The following ANO4 variants were observed in gnomAD, a reference collection of about 807,000 sequenced individuals.
ANO4 encodes the protein anoctamin-4.
A neutral mutation model predicts 141.9 loss-of-function variants in ANO4; 69 were observed. The ratio of observed to expected loss-of-function variants is 0.49; its 90% CI spans 0.40 to 0.59. The LOEUF (loss-of-function observed/expected upper bound fraction) is 0.59, where lower values mean the gene tolerates loss of function less well. Ranked by LOEUF, ANO4 falls within the 20% of genes least tolerant of loss-of-function variation. The pLI, the probability that ANO4 is intolerant of heterozygous loss-of-function variation, is 0.00. For missense variants in ANO4, 894 were observed against 1,162.2 expected, an observed-to-expected ratio of 0.77 and a Z score of 3.36; for synonymous variants, 350 against 394.3, an observed-to-expected ratio of 0.89 and a Z score of 1.33.
intron 14 of ANO4, among the ~76,000 whole-genome samples, chr12:101,071,644 A>T (rs1044757391): frequency 3.3e-5 from 5 of 152,108 alleles, no homozygotes; most frequent in Admixed American, 3.3e-4. Flanking sequence ...CAACATGGGG[A>T]CTATAGTCAA....
chr12:101,051,079 T>C (rs1477184229), intron 14 of ANO4, among the ~76,000 whole-genome samples: 1 of 152,248 alleles, frequency 6.6e-6, no homozygotes, highest in East Asian at 1.9e-4. Flanking sequence ...AATTTTTGTA[T>C]GATGACATTT....
chr12:100,906,888 G>A (rs902942692), intron 2 of ANO4, among the ~76,000 whole-genome samples: 1 of 152,142 alleles, frequency 6.6e-6, no homozygotes, highest in Non-Finnish European at 1.5e-5. Flanking sequence ...ACAGTTCTAA[G>A]TGAAAGAGCC....
At chr12:101,064,665 TA>T (rs2048500065) in intron 14 of ANO4, among the ~76,000 whole-genome samples, 2 of 48,214 alleles carry the variant, frequency 4.1e-5, no homozygotes, top group African/African-American at 2.6e-4. Flanking sequence ...TAAAGTATTA[TA>T]ATAATAATAA....
intron 5 of ANO4, among the ~76,000 whole-genome samples, chr12:100,945,826 T>A (rs995598037): frequency 1.6e-4 from 24 of 152,294 alleles, no homozygotes; most frequent in Admixed American, 7.8e-4. Flanking sequence ...TTGATGATGG[T>A]TATTTCATTC....
At chr12:100,928,637 A>T (rs2041970308) in intron 3 of ANO4, among the ~76,000 whole-genome samples, 1 of 152,104 alleles carries the variant, frequency 6.6e-6, no homozygotes, top group Admixed American at 6.6e-5. Flanking sequence ...AGCATGAATG[A>T]CCTCACTTTA....
chr12:101,119,148 T>C (rs1291915457), intron 25 of ANO4, among the ~76,000 whole-genome samples: 1 of 151,908 alleles, frequency 6.6e-6, no homozygotes, highest in Non-Finnish European at 1.5e-5. Context: ...AAGCTTTCCA[T>C]GGTTAGGGAA....
chr12:100,719,548 G>C (rs1470141422), intron 1 of ANO4, among the ~76,000 whole-genome samples: 1 of 152,130 alleles, frequency 6.6e-6, no homozygotes, highest in Non-Finnish European at 1.5e-5. Flanking sequence ...CATGATGGGG[G>C]ATGATCTAAA....
At chr12:100,930,827 C>A (rs1419791129) in intron 3 of ANO4, among the ~76,000 whole-genome samples, 1 of 152,052 alleles carries the variant, frequency 6.6e-6, no homozygotes, top group African/African-American at 2.4e-5. Context: ...CAACATATAA[C>A]TTCAATATAC....
chr12:101,098,000 C>T, intron 21 of ANO4, 55 bp downstream of exon 21: 2 of 1,507,254 alleles, frequency 1.3e-6, no homozygotes, highest in Non-Finnish European at 1.8e-6. Flanking sequence ...ATTGGCTTTT[C>T]TAGGTGTGGC....
intron 1 of ANO4, among the ~76,000 whole-genome samples, chr12:100,863,202 C>T (rs776682079): frequency 1.4e-4 from 22 of 152,114 alleles, no homozygotes; most frequent in Non-Finnish European, 2.1e-4. Flanking sequence ...TTATACAGAT[C>T]TTGTAGGGCT....
At chr12:101,022,442 A>T in intron 9 of ANO4, among the ~76,000 whole-genome samples, 1 of 152,236 alleles carries the variant, frequency 6.6e-6, no homozygotes, top group East Asian at 1.9e-4. Context: ...AAAATCTACC[A>T]CATAAAGAGA....
At chr12:100,857,704 G>A (rs566885074) in intron 1 of ANO4, among the ~76,000 whole-genome samples, 8 of 152,044 alleles carry the variant, frequency 5.3e-5, no homozygotes, top group Non-Finnish European at 1.2e-4. Flanking sequence ...CTCTATATCC[G>A]CTGTGTTTGA....
chr12:100,797,808 C>T (rs571801871), intron 1 of ANO4, among the ~76,000 whole-genome samples: 7,733 of 152,132 alleles, frequency 0.051, 212 homozygotes, highest in Non-Finnish European at 0.067. Flanking sequence ...TCACTTTTGC[C>T]ATTTTATATA....
Position 101,116,750 on chromosome 12 carries a change from C to G in ANO4, c.2522C>G (p.Pro841Arg). ...RISDFENRSE[P>R]ESDGSEFSGT... ...TCTGACTTTGAGAACCGATCTGAGC[C>G]TGAATCTGATGGCAGTGAGTTCTCG... Residue 841 changes from proline to arginine, a missense_variant, in exon 25 of 28, where the codon CCT (proline) becomes CGT (arginine). Around this residue, in one of 2 missense-constraint regions of ANO4, gnomAD observed 637 missense variants for 909.2 expected, o/e 0.70. Coordinates refer to ENST00000392977, the MANE Select transcript of ANO4 (RefSeq NM_001286615.2). 6.2e-7 allele frequency: 1 copy of G among 1,613,988 alleles called. No homozygotes were observed. Among genetic ancestry groups the G allele is most frequent in the Non-Finnish European group, 8.5e-7 (1 of 1,179,990 alleles).
intron 1 of ANO4, among the ~76,000 whole-genome samples, chr12:100,813,515 G>A (rs1263765452): frequency 6.6e-6 from 1 of 152,170 alleles, no homozygotes; most frequent in African/African-American, 2.4e-5. Flanking sequence ...AGTGCATTGT[G>A]CAGGGGTGTA....
chr12:100,926,361 G>A (rs1033480807), intron 3 of ANO4, among the ~76,000 whole-genome samples: 7 of 152,094 alleles, frequency 4.6e-5, no homozygotes, highest in African/African-American at 1.7e-4. Context: ...CTCCATATTA[G>A]ATGTACAGCT....
At chr12:101,030,912 G>C (rs1232062734) in intron 9 of ANO4, among the ~76,000 whole-genome samples, 1 of 152,082 alleles carries the variant, frequency 6.6e-6, no homozygotes, top group African/African-American at 2.4e-5. Context: ...GAATAGACCA[G>C]TAACAAGTTC....
Position 101,079,218 on chromosome 12 carries a change from A to G in ANO4, c.1338A>G (p.Lys446=). The change falls in exon 15 of 28, where the codon AAA becomes AAG. Residue 446 remains lysine (K), a synonymous_variant. Coordinates refer to ENST00000392977, the MANE Select transcript of ANO4 (RefSeq NM_001286615.2). ...CAACAGTTTTCCTGGAGTTTTGGAAAAGACGGCGAGCAGTAATTGCTTATG... is the reference window on the plus strand; with the variant it reads ...CAACAGTTTTCCTGGAGTTTTGGAAGAGACGGCGAGCAGTAATTGCTTATG... ...VWATVFLEFW[K]RRRAVIAYDW... is the part of the protein sequence containing the mutation. 6.2e-7 allele frequency: 1 copy of G among 1,614,068 alleles called. No homozygotes were observed. The highest frequency in any genetic ancestry group is 2.2e-5 in the East Asian group (1 of 44,874).
At chr12:100,863,009 G>A (rs1038235239) in intron 1 of ANO4, among the ~76,000 whole-genome samples, 1 of 152,140 alleles carries the variant, frequency 6.6e-6, no homozygotes, top group African/African-American at 2.4e-5. Context: ...AAGGTGTTAG[G>A]TAAACAGCTG....
Sources: allele counts gnomAD v4.1 joint callset (sites outside exome capture counted in the v4.1 genomes callset), GRCh38; gene constraint gnomAD v4.1.1; regional missense constraint gnomAD v4.1.1; transcripts MANE v1.5; gene names NCBI Gene and HGNC (gene_info 2026-07-23, HGNC 2026-07-21).